Variants in MDGA2 observed in about 807,000 individuals in gnomAD.
MDGA2 encodes the protein MAM domain-containing glycosylphosphatidylinositol anchor protein 2.
Under a neutral mutation model 117.8 loss-of-function variants are expected in MDGA2, and 40 were observed. The ratio of observed to expected loss-of-function variants is 0.34; its 90% CI spans 0.26 to 0.44. The LOEUF (loss-of-function observed/expected upper bound fraction) is 0.44, where lower values mean the gene tolerates loss of function less well. Ranked by LOEUF, MDGA2 falls within the 20% of genes least tolerant of loss-of-function variation. The pLI is 1.00. For synonymous variants in MDGA2, 452 were observed against 439.0 expected (o/e 1.03, Z -0.37); for missense variants, 1,123 against 1,250.6 (o/e 0.90, Z 1.54).
chr14:47,376,529 A>C lies in MDGA2; in HGVS notation c.281-74979T>G, dbSNP rs190814400. On this transcript the variant is annotated intron_variant, in intron 1 of 16. Coordinates refer to ENST00000399232, the MANE Select transcript of MDGA2 (RefSeq NM_001113498.3). ...TTTATTTTTAGAACAATTTTCATTTAATGCTAACTTTAAACCTTATCTTCT... is the reference window on the plus strand; with the variant it reads ...TTTATTTTTAGAACAATTTTCATTTCATGCTAACTTTAAACCTTATCTTCT... Among the ~76,000 whole-genome samples, 3 of 150,572 alleles carry C rather than the reference A, an allele frequency of 2.0e-5. No individual in the cohort carries two copies. In the Admixed American group the frequency reaches 2.0e-4, roughly 10 times the overall value.
At chr14:46,993,971 C>G (rs1358115340) in intron 8 of MDGA2, among the ~76,000 whole-genome samples, 1 of 152,074 alleles carries the variant, frequency 6.6e-6, no homozygotes, top group Admixed American at 6.6e-5. Flanking sequence ...TAGGTTGTAG[C>G]ACAGACATGC....
chr14:47,198,739 A>T lies in MDGA2; in HGVS notation c.595+19282T>A, dbSNP rs146493515. 1.3e-4 allele frequency among the ~76,000 whole-genome samples: 20 copies of T among 152,288 alleles called. No homozygotes were observed. In the East Asian group the frequency reaches 3.7e-3, roughly 28 times the overall value. On this transcript the variant is annotated intron_variant, in intron 3 of 16. Coordinates refer to ENST00000399232, the MANE Select transcript of MDGA2 (RefSeq NM_001113498.3). ...TATAAGTCTTTTATTTTAAAAGAGA[A>T]TTGATTAGACATTTGGATGAAGAAT...
intron 1 of MDGA2, among the ~76,000 whole-genome samples, chr14:47,551,482 G>A (rs1212644713): frequency 1.3e-5 from 2 of 152,018 alleles, no homozygotes; most frequent in Admixed American, 6.6e-5. Flanking sequence ...GTTCTTCTGG[G>A]TTTCCATGAA....
At chr14:47,103,010 C>T (rs1162579133) in intron 5 of MDGA2, among the ~76,000 whole-genome samples, 1 of 151,904 alleles carries the variant, frequency 6.6e-6, no homozygotes, top group Non-Finnish European at 1.5e-5. Flanking sequence ...AAGGGGTAGG[C>T]GGTAAGTGAA....
rs1234327205 is a variant in MDGA2 at position 47,362,390 on chromosome 14, T to C, written c.281-60840A>G. Among the ~76,000 whole-genome samples the C allele has an allele frequency of 2.6e-5, 4 of 152,146 alleles. No homozygotes were observed. In the East Asian group the frequency reaches 5.8e-4, roughly 22 times the overall value. ...ATCAATTTACTCAATTTTCAATTAATTGGGTTATCATTTATATAATGTTTA... is the reference window on the plus strand; with the variant it reads ...ATCAATTTACTCAATTTTCAATTAACTGGGTTATCATTTATATAATGTTTA... On this transcript the variant is annotated intron_variant, in intron 1 of 16. Coordinates refer to ENST00000399232, the MANE Select transcript of MDGA2 (RefSeq NM_001113498.3).
chr14:47,638,007 G>A (rs1897354511), intron 1 of MDGA2, among the ~76,000 whole-genome samples: 1 of 152,112 alleles, frequency 6.6e-6, no homozygotes, highest in South Asian at 2.1e-4. Context: ...GCCAGGCTTT[G>A]AACATGTGAT....
chr14:47,420,574 A>G (rs1188187079), intron 1 of MDGA2, among the ~76,000 whole-genome samples: 1 of 152,132 alleles, frequency 6.6e-6, no homozygotes, highest in Non-Finnish European at 1.5e-5. Context: ...CACAAATTCT[A>G]AAATTTGGAG....
At chr14:47,543,776 A>G (rs1895401370) in intron 1 of MDGA2, among the ~76,000 whole-genome samples, 1 of 152,236 alleles carries the variant, frequency 6.6e-6, no homozygotes, top group Non-Finnish European at 1.5e-5. Flanking sequence ...TATCTAAGAG[A>G]TTAAGCACTA....
In MDGA2 at chr14:47,540,554, G is replaced by GTA. The variant is rs1434471568; in HGVS notation, c.280+133961_280+133962dup. Among the ~76,000 whole-genome samples, 60 of 103,492 alleles carry GTA rather than the reference G, an allele frequency of 5.8e-4. 9 individuals are homozygous for GTA. The highest frequency in any genetic ancestry group is 3.9e-5 in the Non-Finnish European group (2 of 51,480). 67.9% of individuals were successfully genotyped at this position (103,492 alleles called of 152,430 possible). The stretch of plus-strand genomic sequence containing the variant: ...TGTGTGTGTGTGTATATATATATAT[G>GTA]TATATATATACACACACACATAGAG... On this transcript the variant is annotated intron_variant, in intron 1 of 16. Transcript: ENST00000399232.
intron 14 of MDGA2, chr14:46,871,429 G>A (rs563201258): frequency 1.3e-5 from 2 of 152,004 alleles, no homozygotes; most frequent in South Asian, 4.1e-4. Flanking sequence ...GCCAGGTGAT[G>A]GGCATGGTAA....
At chr14:47,283,239 G>T (rs1189456231) in intron 2 of MDGA2, among the ~76,000 whole-genome samples, 1 of 152,052 alleles carries the variant, frequency 6.6e-6, no homozygotes, top group East Asian at 1.9e-4. Context: ...TGGTAGATGA[G>T]GGCAAAAGTT....
Position 47,006,376 on chromosome 14 carries a change from AATATT to A in MDGA2, c.1819+28630_1819+28634del, listed in dbSNP as rs1278137084. ...GTGGTTCACTACAACATATATTAAA[AATATT>A]ATAATTATAATTATATAATTAAAAT... is the stretch of plus-strand genomic sequence containing the variant. On this transcript the variant is annotated intron_variant, in intron 8 of 16. Transcript: ENST00000399232. Among the ~76,000 whole-genome samples, 10 of 147,248 alleles carry A rather than the reference AATATT, an allele frequency of 6.8e-5. No individual in the cohort carries two copies. The South Asian group carries it at 1.7e-3, about 25-fold the overall frequency.
intron 7 of MDGA2, among the ~76,000 whole-genome samples, chr14:47,041,800 T>A (rs1367675366): frequency 6.6e-6 from 1 of 152,068 alleles, no homozygotes; most frequent in African/African-American, 2.4e-5. Flanking sequence ...AGAAAATGGC[T>A]TAAAAGAATG....
intron 1 of MDGA2, among the ~76,000 whole-genome samples, chr14:47,655,856 A>G (rs981273267): frequency 1.3e-5 from 2 of 152,128 alleles, no homozygotes; most frequent in Non-Finnish European, 2.9e-5. Flanking sequence ...TATAGGTTCA[A>G]CTGAAGAATT....
chr14:47,041,322 T>G (rs1377223888), intron 7 of MDGA2, among the ~76,000 whole-genome samples: 3 of 152,126 alleles, frequency 2.0e-5, no homozygotes, highest in South Asian at 4.1e-4. Flanking sequence ...TTTTATCATT[T>G]GGTTTTTAGG....
chr14:46,974,479 C>A (rs201730714), intron 8 of MDGA2, among the ~76,000 whole-genome samples: 1 of 152,068 alleles, frequency 6.6e-6, no homozygotes, highest in Non-Finnish European at 1.5e-5. Flanking sequence ...TCAAAAGTCA[C>A]TACAGAGCTC....
At chr14:46,992,848 T>G (rs1887143066) in intron 8 of MDGA2, among the ~76,000 whole-genome samples, 1 of 152,168 alleles carries the variant, frequency 6.6e-6, no homozygotes, top group South Asian at 2.1e-4. Context: ...CCCTGATGAT[T>G]CCTGAGGCTT....
chr14:47,217,993 A>G (rs757763906), intron 3 of MDGA2, 28 bp downstream of exon 3: 60 of 1,484,406 alleles, frequency 4.0e-5, no homozygotes, highest in Admixed American at 4.6e-5. Context: ...AATAGGCTTA[A>G]TTATAGTTTT....
chr14:46,921,202 T>C (rs1309306019), intron 9 of MDGA2, among the ~76,000 whole-genome samples: 3 of 152,184 alleles, frequency 2.0e-5, no homozygotes, highest in Admixed American at 2.0e-4. Context: ...TGGAAATTAA[T>C]TACATTTTTT....
Sources: allele counts gnomAD v4.1 joint callset (sites outside exome capture counted in the v4.1 genomes callset), GRCh38; gene constraint gnomAD v4.1.1; transcripts MANE v1.5; gene names NCBI Gene and HGNC (gene_info 2026-07-23, HGNC 2026-07-21).